Variants in RBM28 observed in about 807,000 individuals in gnomAD.
The protein encoded by RBM28 is RNA-binding protein 28.
RBM28 carries 78 observed loss-of-function variants against 98.3 expected under a neutral mutation model. That is an observed-to-expected ratio of 0.79 (90% CI 0.66 to 0.96). The LOEUF (loss-of-function observed/expected upper bound fraction) is 0.96, where lower values mean the gene tolerates loss of function less well. Among genes scored for constraint, RBM28 ranks in the 40% least tolerant of loss-of-function variants. RBM28 has a pLI of 0.00. For synonymous variants in RBM28, 306 were observed against 330.9 expected, an observed-to-expected ratio of 0.92 and a Z score of 0.82; for missense variants, 838 against 913.0, an observed-to-expected ratio of 0.92 and a Z score of 1.06.
rs1796143831 is a variant in RBM28, at chr7:128,318,088, G to C, written c.1582C>G (p.Leu528Val). 2 of 1,613,138 alleles carry C rather than the reference G, an allele frequency of 1.2e-6. No homozygotes were observed. The highest frequency in any genetic ancestry group is 1.1e-5 in the South Asian group (1 of 91,068). Residue 528 changes from leucine (L) to valine (V), a missense_variant, in exon 15 of 19, where the codon CTC (leucine) becomes GTC (valine). Leu to Val is a conservative substitution (Grantham distance 32). Transcript: ENST00000223073. Reference protein sequence around the residue: ...RIKECRVMRDLKGVHGNMKGQ... With the variant: ...RIKECRVMRDVKGVHGNMKGQ... ...TTCATGTTCCCATGAACTCCTTTGA[G>C]GTCTCGCATCACTCTACACTATGAG...
chr7:128,313,530 A>G (rs1190201531), intron 17 of RBM28, among the ~76,000 whole-genome samples: 1 of 152,166 alleles, frequency 6.6e-6, no homozygotes, highest in African/African-American at 2.4e-5. Context: ...GCTACTCAGG[A>G]GGCTGAGGAA....
rs1484648790 is a variant in RBM28 at position 128,306,804 on chromosome 7, G to C, written c.*3993C>G. The C allele has an allele frequency of 6.6e-6, 1 of 152,264 alleles. No individual in the cohort carries two copies. The highest frequency in any genetic ancestry group is 1.5e-5 in the Non-Finnish European group (1 of 68,134). The allele number at this position is 152,264 out of a possible 1,614,324, so 9.4% of individuals were successfully genotyped here. On this transcript the variant is annotated 3_prime_UTR_variant, in exon 19 of 19. Transcript: ENST00000223073. ...ATCTTCCCAGTATATTCCTTTACCA[G>C]CACAAAAACTCATGTACAGCCAATG...
intron 6 of RBM28, among the ~76,000 whole-genome samples, chr7:128,336,403 C>T (rs1302182437): frequency 2.6e-5 from 4 of 152,166 alleles, no homozygotes; most frequent in African/African-American, 2.4e-5. Flanking sequence ...AATCTCAGTG[C>T]GTTCTATTCT....
At position 128,343,719 on chromosome 7, in the gene RBM28, A is replaced by T; in HGVS notation, c.75T>A (p.Ser25Arg). 1 of 1,611,712 alleles carries T rather than the reference A, an allele frequency of 6.2e-7. No individual in the cohort carries two copies. The highest frequency in any genetic ancestry group is 8.5e-7 in the Non-Finnish European group (1 of 1,178,826). The change falls in exon 1 of 19, where the codon AGT becomes AGA. Residue 25 changes from serine to arginine, a missense_variant. Coordinates refer to ENST00000223073, the MANE Select transcript of RBM28 (RefSeq NM_018077.3). ...ARSEQLEELF[S>R]QVGPVKQCFV... ...AGCACTGCTTCACCGGCCCCACCTG[A>T]CTGAACAGTTCCTCCAGCTGCTCAC...
intron 13 of RBM28, among the ~76,000 whole-genome samples, chr7:128,322,332 T>G (rs1257572261): frequency 6.6e-6 from 1 of 152,228 alleles, no homozygotes; most frequent in Non-Finnish European, 1.5e-5. Flanking sequence ...CTGCGTGATC[T>G]GTGTCTAAAA....
rs1339514963 is a variant in RBM28, at chr7:128,309,046, C to T, written c.*1751G>A. 7 of 147,378 alleles carry T rather than the reference C, an allele frequency of 4.7e-5. No homozygotes were observed. The highest frequency in any genetic ancestry group is 7.5e-5 in the Non-Finnish European group (5 of 66,936). The allele number at this position is 147,378 out of a possible 1,614,324, so 9.1% of individuals were successfully genotyped here. A position where few individuals can be genotyped will look rare whatever the true frequency, so the allele number is the denominator to read the frequency against. ...GGTTCTGTCAAAGCATTATTTGTAA[C>T]ACTCAACTAGACTAAGCAATCAAGA... is the stretch of plus-strand genomic sequence containing the variant. On this transcript the variant is annotated 3_prime_UTR_variant, in exon 19 of 19. Coordinates refer to ENST00000223073, the MANE Select transcript of RBM28 (RefSeq NM_018077.3).
rs1795854268 is a variant in RBM28, at chr7:128,305,742, A to G, written c.*5055T>C. The G allele has an allele frequency of 6.6e-6, 1 of 152,266 alleles. No homozygotes were observed. The highest frequency in any genetic ancestry group is 2.4e-5 in the African/African-American group (1 of 41,456). The allele number at this position is 152,266 out of a possible 1,614,324, so 9.4% of individuals were successfully genotyped here. A position where few individuals can be genotyped will look rare whatever the true frequency, so the allele number is the denominator to read the frequency against. On this transcript the variant is annotated 3_prime_UTR_variant, in exon 19 of 19. Transcript: ENST00000223073. ...GACAGGAATGGGATTGGCTTTGGCC[A>G]TGAGGCAGATTAAGCAACACCTAAG...
chr7:128,321,166 AAAAC>A (rs1431833090), intron 14 of RBM28, 96 bp downstream of exon 14: 34 of 1,533,612 alleles, frequency 2.2e-5, no homozygotes, highest in South Asian at 1.0e-4. Context: ...ACTTCGTCTC[AAAAC>A]AAACAAACAA....
At position 128,339,327 on chromosome 7, in the gene RBM28, A is replaced by T; in HGVS notation, c.278-6T>A. ...CTTTGGGCACTCTGAGTTTTCTAAA[A>T]AATAAGAGGTAATGGAATAAGTACT... On this transcript the variant is annotated splice_polypyrimidine_tract_variant and splice_region_variant and intron_variant, in intron 2 of 18. Coordinates refer to ENST00000223073, the MANE Select transcript of RBM28 (RefSeq NM_018077.3). 6.3e-7 allele frequency: 1 copy of T among 1,597,532 alleles called. No homozygotes were observed. The highest frequency in any genetic ancestry group is 8.6e-7 in the Non-Finnish European group (1 of 1,166,378).
Position 128,339,360 on chromosome 7 carries a change from C to A in RBM28, c.278-39G>T, listed in dbSNP as rs745576199. On this transcript the variant is annotated intron_variant, in intron 2 of 18. Transcript: ENST00000223073. Reference sequence around the variant, plus strand: ...GGTAATGGAATAAGTACTCGAAAATCACCCACTTCTACGCCAGAACATCAC... The same window carrying A: ...GGTAATGGAATAAGTACTCGAAAATAACCCACTTCTACGCCAGAACATCAC... The A allele has an allele frequency of 6.0e-6, 9 of 1,488,202 alleles. No individual in the cohort carries two copies. The Admixed American group carries it at 1.5e-4, about 25-fold the overall frequency. 92.2% of individuals were successfully genotyped at this position (1,488,202 alleles called of 1,614,324 possible).
At chr7:128,314,130 T>C (rs968260790) in intron 17 of RBM28, among the ~76,000 whole-genome samples, 6 of 152,078 alleles carry the variant, frequency 3.9e-5, no homozygotes, top group Admixed American at 3.3e-4. Context: ...ACCCAGCTAA[T>C]TTTTTGTATT....
In RBM28 at chr7:128,309,646, A is replaced by G. The variant is rs576546452; in HGVS notation, c.*1151T>C. 4.3e-4 allele frequency: 66 copies of G among 153,968 alleles called. No individual in the cohort carries two copies. Among genetic ancestry groups the G allele is most frequent in the African/African-American group, 8.2e-4 (34 of 41,390 alleles). The allele number at this position is 153,968 out of a possible 1,614,324, so 9.5% of individuals were successfully genotyped here. On this transcript the variant is annotated 3_prime_UTR_variant, in exon 19 of 19. Coordinates refer to ENST00000223073, the MANE Select transcript of RBM28 (RefSeq NM_018077.3). ...AGACTCCATCTCAAAAAAAAAAAAA[A>G]AAGAAGAAGAAACAGGGAAGCAGAT...
In RBM28 at chr7:128,300,611, C is replaced by T. The variant is rs932646866; in HGVS notation, c.*10186G>A. The T allele has an allele frequency of 6.6e-6, 1 of 152,232 alleles. No homozygotes were observed. The highest frequency in any genetic ancestry group is 6.5e-5 in the Admixed American group (1 of 15,278). The allele number at this position is 152,232 out of a possible 1,614,324, so 9.4% of individuals were successfully genotyped here. A position where few individuals can be genotyped will look rare whatever the true frequency, so the allele number is the denominator to read the frequency against. ...CAAAGACGTTAATGCCCACTAAACG[C>T]TTTCTACGATGCCTGGAAACAACTG... On this transcript the variant is annotated 3_prime_UTR_variant, in exon 19 of 19. Transcript: ENST00000223073.
chr7:128,321,891 T>A (rs1796243666), intron 13 of RBM28, among the ~76,000 whole-genome samples: 1 of 151,872 alleles, frequency 6.6e-6, no homozygotes, highest in South Asian at 2.1e-4. Context: ...CTACTAAAAA[T>A]ACAAAAATTA....
chr7:128,339,697 G>A lies in RBM28; in HGVS notation c.213C>T (p.Cys71=). Residue 71 remains cysteine (C), a synonymous_variant, in exon 2 of 19, where the codon TGC becomes TGT. Coordinates refer to ENST00000223073, the MANE Select transcript of RBM28 (RefSeq NM_018077.3). ...TCTTGGCAACAGTCACGTTGATCTT[G>A]CAACCTTCAAAGGTGGTAATCTCCT... ...ALKEITTFEG[C]KINVTVAKKK... is the part of the protein sequence containing the mutation. 1 of 1,613,916 alleles carries A rather than the reference G, an allele frequency of 6.2e-7. No homozygotes were observed. Among genetic ancestry groups the A allele is most frequent in the Non-Finnish European group, 8.5e-7 (1 of 1,179,912 alleles).
rs575957398 is a variant in RBM28, at chr7:128,306,504, G to A, written c.*4293C>T. 5 of 152,288 alleles carry A rather than the reference G, an allele frequency of 3.3e-5. 1 individual carries two copies. Among genetic ancestry groups the A allele is most frequent in the African/African-American group, 1.2e-4 (5 of 41,550 alleles). The allele number at this position is 152,288 out of a possible 1,614,324, so 9.4% of individuals were successfully genotyped here. A position where few individuals can be genotyped will look rare whatever the true frequency, so the allele number is the denominator to read the frequency against. On this transcript the variant is annotated 3_prime_UTR_variant, in exon 19 of 19. Coordinates refer to ENST00000223073, the MANE Select transcript of RBM28 (RefSeq NM_018077.3). The stretch of plus-strand genomic sequence containing the variant: ...GTAAATCAATGTTAGGTGTTGTGGG[G>A]TATGTGGAAAAGTGAAAAAATAATA...
At chr7:128,335,505 T>A (rs1374293346) in intron 8 of RBM28, 38 bp downstream of exon 8, 1 of 1,613,576 alleles carries the variant, frequency 6.2e-7, no homozygotes, top group African/African-American at 1.3e-5. Context: ...CAGTAACTTT[T>A]TTAAAGTCTA....
At position 128,343,893 on chromosome 7, in the gene RBM28, G is replaced by C; in HGVS notation, c.-100C>G. On this transcript the variant is annotated 5_prime_UTR_variant, in exon 1 of 19. Transcript: ENST00000223073. ...GGTAGGACAACCAAGCTCACACGCC[G>C]AGAGATTCCGGAAGTGCTCGTTGCC... 1.3e-6 allele frequency: 1 copy of C among 770,786 alleles called. No individual in the cohort carries two copies. The highest frequency in any genetic ancestry group is 2.0e-6 in the Non-Finnish European group (1 of 493,556). 47.7% of individuals were successfully genotyped at this position (770,786 alleles called of 1,614,324 possible).
At chr7:128,315,315 C>T (rs1796084633) in intron 16 of RBM28, among the ~76,000 whole-genome samples, 2 of 152,016 alleles carry the variant, frequency 1.3e-5, no homozygotes, top group African/African-American at 4.8e-5. Flanking sequence ...AAGGTGTAAC[C>T]TATGTAGAAG....
Sources: allele counts gnomAD v4.1 joint callset (sites outside exome capture counted in the v4.1 genomes callset), GRCh38; gene constraint gnomAD v4.1.1; transcripts MANE v1.5; gene names NCBI Gene and HGNC (gene_info 2026-07-23, HGNC 2026-07-21).